ALK: variants seen among roughly 807,000 people sequenced by gnomAD.
ALK encodes ALK tyrosine kinase receptor.
In ALK, 74 loss-of-function variants were observed where a neutral mutation model predicts 163.1. The ratio of observed to expected loss-of-function variants is 0.45; its 90% CI spans 0.38 to 0.55. ALK has a LOEUF of 0.55. Ranked by LOEUF, ALK falls within the 20% of genes least tolerant of loss-of-function variation. The pLI, the probability that ALK is intolerant of heterozygous loss-of-function variation, is 0.00. For missense variants in ALK, 2,063 were observed against 2,105.3 expected (o/e 0.98, Z 0.39); for synonymous variants, 960 against 843.2 (o/e 1.14, Z -2.40).
intron 3 of ALK, among the ~76,000 whole-genome samples, chr2:29,600,839 G>A (rs921486281): frequency 3.3e-5 from 5 of 152,170 alleles, no homozygotes; most frequent in African/African-American, 4.8e-5. Flanking sequence ...AACCCAGGCC[G>A]TATTTCTGGA....
At chr2:29,289,819 G>T (rs1277892352) in intron 9 of ALK, among the ~76,000 whole-genome samples, 1 of 152,152 alleles carries the variant, frequency 6.6e-6, no homozygotes, top group Non-Finnish European at 1.5e-5. Context: ...GTGTGGGAAT[G>T]CCCAGCAGAG....
At position 29,225,494 on chromosome 2, in the gene ALK, C is replaced by T. The variant is rs370049091; in HGVS notation, c.3139G>A (p.Ala1047Thr). Residue 1047 changes from alanine to threonine, a missense_variant, in exon 19 of 29, where the codon GCC (alanine) becomes ACC (threonine). Around this residue, in one of 5 missense-constraint regions of ALK, gnomAD observed 575 missense variants for 626.6 expected, o/e 0.92. Transcript: ENST00000389048. Reference protein sequence around the residue: ...LSVVTSALVAALVLAFSGIMI... With the variant: ...LSVVTSALVATLVLAFSGIMI... ...ATGCCGGAGAAAGCCAGGACCAGGG[C>T]GGCCACGAGGGCAGAGGTCACCACA... 413 of 1,613,370 alleles carry T rather than the reference C, an allele frequency of 2.6e-4. 7 individuals carry two copies. The South Asian group carries it at 3.6e-3, about 14-fold the overall frequency.
intron 3 of ALK, among the ~76,000 whole-genome samples, chr2:29,637,021 A>G (rs1676554419): frequency 6.6e-6 from 1 of 152,220 alleles, no homozygotes; most frequent in South Asian, 2.1e-4. Context: ...TCTGGAAGAC[A>G]GTTTGGCAGT....
chr2:29,406,911 A>AG, intron 4 of ALK, among the ~76,000 whole-genome samples: 1 of 151,592 alleles, frequency 6.6e-6, no homozygotes, highest in Middle Eastern at 3.4e-3. Context: ...AAAAAAAAAA[A>AG]AAAGTTACAA....
chr2:29,710,493 TGTGTGC>T (rs1269619416), intron 2 of ALK, among the ~76,000 whole-genome samples: 1 of 99,970 alleles, frequency 1.0e-5, no homozygotes, highest in Non-Finnish European at 2.0e-5. Flanking sequence ...AACCTCAGTC[TGTGTGC>T]GTGTGTGTGT....
chr2:29,404,030 A>G (rs1374043773), intron 4 of ALK, among the ~76,000 whole-genome samples: 1 of 152,170 alleles, frequency 6.6e-6, no homozygotes, highest in East Asian at 1.9e-4. Flanking sequence ...TAGGCCGGGC[A>G]TGTTAGCTCA....
chr2:29,602,931 A>T (rs939406988), intron 3 of ALK, among the ~76,000 whole-genome samples: 3 of 152,202 alleles, frequency 2.0e-5, no homozygotes, highest in East Asian at 1.9e-4. Flanking sequence ...CATACATATT[A>T]AGGGGACATA....
At chr2:29,540,970 T>G (rs1254169197) in intron 3 of ALK, among the ~76,000 whole-genome samples, 1 of 152,196 alleles carries the variant, frequency 6.6e-6, no homozygotes, top group Non-Finnish European at 1.5e-5. Flanking sequence ...AATCTGAAGA[T>G]GCTTCAGAGA....
At chr2:29,336,573 C>T (rs1415313927) in intron 5 of ALK, among the ~76,000 whole-genome samples, 1 of 152,210 alleles carries the variant, frequency 6.6e-6, no homozygotes, top group Non-Finnish European at 1.5e-5. Context: ...AATTCCTGTT[C>T]TACACCACAG....
At chr2:29,296,768 T>C (rs1666194441) in intron 9 of ALK, 120 bp downstream of exon 9, 2 of 1,183,086 alleles carry the variant, frequency 1.7e-6, no homozygotes, top group East Asian at 2.4e-5. Flanking sequence ...CACATATCGG[T>C]GTGTGGGCAC....
At chr2:29,434,429 A>T (rs1670350032) in intron 4 of ALK, among the ~76,000 whole-genome samples, 1 of 152,218 alleles carries the variant, frequency 6.6e-6, no homozygotes, top group African/African-American at 2.4e-5. Context: ...TTGTTCTCTG[A>T]TGCATAATTT....
intron 4 of ALK, among the ~76,000 whole-genome samples, chr2:29,495,682 G>C (rs1672005924): frequency 6.6e-6 from 1 of 152,178 alleles, no homozygotes; most frequent in African/African-American, 2.4e-5. Flanking sequence ...GGAAACACAG[G>C]AAGTGACTTA....
intron 3 of ALK, among the ~76,000 whole-genome samples, chr2:29,567,668 T>C (rs1342293391): frequency 6.6e-6 from 1 of 151,868 alleles, no homozygotes; most frequent in Non-Finnish European, 1.5e-5. Flanking sequence ...CCGAAACCAT[T>C]CCCAAGGTGC....
intron 9 of ALK, among the ~76,000 whole-genome samples, chr2:29,281,411 C>G (rs1161872641): frequency 1.3e-5 from 2 of 152,174 alleles, no homozygotes; most frequent in African/African-American, 4.8e-5. Context: ...TCTCACCAAT[C>G]TGTGTTGCCT....
At chr2:29,629,112 G>A (rs1179500006) in intron 3 of ALK, among the ~76,000 whole-genome samples, 5 of 152,114 alleles carry the variant, frequency 3.3e-5, no homozygotes, top group Non-Finnish European at 7.3e-5. Flanking sequence ...ATACACAAAG[G>A]CAATGGGGTC....
At chr2:29,367,363 T>G (rs1473926420) in intron 5 of ALK, among the ~76,000 whole-genome samples, 1 of 152,228 alleles carries the variant, frequency 6.6e-6, no homozygotes, top group Non-Finnish European at 1.5e-5. Flanking sequence ...AACTCATGAC[T>G]TGGCCACTTG....
At chr2:29,634,731 G>A (rs1161812362) in intron 3 of ALK, among the ~76,000 whole-genome samples, 1 of 152,046 alleles carries the variant, frequency 6.6e-6, no homozygotes, top group East Asian at 1.9e-4. Flanking sequence ...CCACACTAAC[G>A]ACTGCTATTC....
chr2:29,430,340 T>C (rs2148073619), intron 4 of ALK, among the ~76,000 whole-genome samples: 1 of 152,268 alleles, frequency 6.6e-6, no homozygotes, highest in South Asian at 2.1e-4. Flanking sequence ...AGAATTCTTA[T>C]AACTCAATAA....
intron 6 of ALK, among the ~76,000 whole-genome samples, chr2:29,321,109 T>C (rs953653299): frequency 6.6e-6 from 1 of 152,106 alleles, no homozygotes; most frequent in Admixed American, 6.5e-5. Flanking sequence ...GAAAACAAAA[T>C]AGGAAAAATA....
Sources: allele counts gnomAD v4.1 joint callset (sites outside exome capture counted in the v4.1 genomes callset), GRCh38; gene constraint gnomAD v4.1.1; regional missense constraint gnomAD v4.1.1; transcripts MANE v1.5; gene names NCBI Gene and HGNC (gene_info 2026-07-23, HGNC 2026-07-21).